The following LMAN2L variants were observed in gnomAD, a reference collection of about 807,000 sequenced individuals.
LMAN2L encodes the protein lectin, mannose binding 2 like, also known as VIP36-like protein.
A neutral mutation model predicts 44.3 loss-of-function variants in LMAN2L; 30 were observed. That is an observed-to-expected ratio of 0.68 (90% CI 0.51 to 0.92). The LOEUF is 0.92. Among genes scored for constraint, LMAN2L ranks in the 40% least tolerant of loss-of-function variants. LMAN2L has a pLI of 0.00. For missense variants in LMAN2L, 429 were observed against 446.1 expected, an observed-to-expected ratio of 0.96 and a Z score of 0.35; for synonymous variants, 183 against 171.1, an observed-to-expected ratio of 1.07 and a Z score of -0.54.
chr2:96,735,714 T>C (rs913666204), intron 2 of LMAN2L, among the ~76,000 whole-genome samples: 1 of 151,572 alleles, frequency 6.6e-6, no homozygotes, highest in African/African-American at 2.4e-5. Context: ...GGTGGGCGCC[T>C]GGAGTCCTAG....
Position 96,734,511 on chromosome 2 carries a change from C to T in LMAN2L, c.322G>A (p.Asp108Asn), listed in dbSNP as rs772436081. The T allele has an allele frequency of 1.2e-5, 19 of 1,609,216 alleles. No individual in the cohort carries two copies. Among genetic ancestry groups the T allele is most frequent in the Non-Finnish European group, 1.5e-5 (18 of 1,175,632 alleles). The stretch of plus-strand genomic sequence containing the variant: ...TTGAAGTGCACCTGCAACTCCCAGT[C>T]TCTCAGGAAACATGGCTAAAGTGAG... ...LWNRVPCFLR[D>N]WELQVHFKIH... The change falls in exon 3 of 8, where the codon GAC becomes AAC. Residue 108 changes from aspartate to asparagine, a missense_variant. By Grantham distance (23) the Asp-to-Asn change is conservative. Coordinates refer to ENST00000264963, the MANE Select transcript of LMAN2L (RefSeq NM_030805.4).
rs575410381 is a variant in LMAN2L at position 96,738,121 on chromosome 2, A to G, written c.188-54T>C. On this transcript the variant is annotated intron_variant, in intron 1 of 7. Transcript: ENST00000264963. ...CTTTTCAACACCAATCCATTCAGAA[A>G]GCAGCCACCACAGAGCCTCTGAAAG... is the stretch of plus-strand genomic sequence containing the variant. 21 of 1,228,534 alleles carry G rather than the reference A, an allele frequency of 1.7e-5. No homozygotes were observed. The South Asian group carries it at 2.4e-4, about 14-fold the overall frequency. 76.1% of individuals were successfully genotyped at this position (1,228,534 alleles called of 1,614,324 possible). A position where few individuals can be genotyped will look rare whatever the true frequency, so the allele number is the denominator to read the frequency against.
At chr2:96,721,024 C>G (rs2078142170) in intron 4 of LMAN2L, among the ~76,000 whole-genome samples, 1 of 152,060 alleles carries the variant, frequency 6.6e-6, no homozygotes, top group Non-Finnish European at 1.5e-5. Flanking sequence ...AATTCAATGG[C>G]ATTTAGTATA....
chr2:96,731,506 C>T (rs1288336027), intron 4 of LMAN2L, among the ~76,000 whole-genome samples: 2 of 151,816 alleles, frequency 1.3e-5, no homozygotes, highest in Non-Finnish European at 2.9e-5. Context: ...ATTAGCTGGG[C>T]GTGGTGGCGT....
chr2:96,720,130 C>CA, intron 4 of LMAN2L, among the ~76,000 whole-genome samples: 1 of 151,622 alleles, frequency 6.6e-6, no homozygotes, highest in Non-Finnish European at 1.5e-5. Context: ...ATCATCACAT[C>CA]AAAAAAAAGT....
chr2:96,735,564 C>T (rs993756284), intron 2 of LMAN2L, among the ~76,000 whole-genome samples: 1 of 152,140 alleles, frequency 6.6e-6, no homozygotes, highest in South Asian at 2.1e-4. Flanking sequence ...AACGGCCCAG[C>T]GCGGTGGCTC....
intron 4 of LMAN2L, among the ~76,000 whole-genome samples, chr2:96,720,497 T>G (rs1324848929): frequency 4.6e-5 from 7 of 152,000 alleles, no homozygotes; most frequent in Non-Finnish European, 8.8e-5. Context: ...TTTGATTTTT[T>G]GTAGAGATGA....
chr2:96,731,229 T>C (rs1395669230), intron 4 of LMAN2L, among the ~76,000 whole-genome samples: 6 of 152,306 alleles, frequency 3.9e-5, no homozygotes, highest in African/African-American at 1.4e-4. Context: ...TCCCAGGGCC[T>C]GGCACCTAGA....
At chr2:96,720,571 C>G (rs1432053489) in intron 4 of LMAN2L, among the ~76,000 whole-genome samples, 2 of 151,808 alleles carry the variant, frequency 1.3e-5, no homozygotes, top group Non-Finnish European at 2.9e-5. Flanking sequence ...CCTGCCTTGG[C>G]TTCCCAAAGT....
At chr2:96,737,837 C>A in intron 2 of LMAN2L, 112 bp downstream of exon 2, 1 of 669,368 alleles carries the variant, frequency 1.5e-6, no homozygotes, top group Non-Finnish European at 2.7e-6. Context: ...TCCTTGATAT[C>A]CACAGAAGAT....
At chr2:96,722,438 AAG>A (rs1335704353) in intron 4 of LMAN2L, among the ~76,000 whole-genome samples, 2 of 151,602 alleles carry the variant, frequency 1.3e-5, no homozygotes, top group African/African-American at 4.9e-5. Flanking sequence ...AAATTCTCCT[AAG>A]GAGAAAACTA....
intron 6 of LMAN2L, among the ~76,000 whole-genome samples, chr2:96,709,201 G>A (rs542529402): frequency 6.6e-5 from 10 of 152,028 alleles, no homozygotes; most frequent in South Asian, 6.2e-4. Context: ...CATTACAGGC[G>A]TGAGCCACCG....
rs2077803067 is a variant in LMAN2L, at chr2:96,707,262, GA to G, written c.1040del (p.Phe347SerfsTer16). ...NKWQEQSRKR[F>X]Y is the part of the protein sequence containing the mutation. ...GTGGTGGCAGCAGGAGGGCTCAGTA[GA>G]AGCGCTTTCGGCTCTGTTCCTGCCA... On this transcript the variant is annotated frameshift_variant, in exon 8 of 8. Coordinates refer to ENST00000264963, the MANE Select transcript of LMAN2L (RefSeq NM_030805.4). LOFTEE classifies it high-confidence loss of function. The G allele has an allele frequency of 7.4e-6, 12 of 1,613,970 alleles. No homozygotes were observed. Among genetic ancestry groups the G allele is most frequent in the Non-Finnish European group, 1.0e-5 (12 of 1,179,954 alleles).
chr2:96,713,011 G>A (rs959114660), intron 4 of LMAN2L: 2 of 1,011,986 alleles, frequency 2.0e-6, no homozygotes, highest in African/African-American at 3.2e-5. Context: ...AGAGACCGGG[G>A]ACTCCTGAGA....
chr2:96,725,123 G>A (rs986842980), intron 4 of LMAN2L, among the ~76,000 whole-genome samples: 2 of 151,754 alleles, frequency 1.3e-5, no homozygotes, highest in Admixed American at 6.6e-5. Flanking sequence ...GAGCCACAGC[G>A]CCCGGCCTAT....
chr2:96,707,073 T>G lies in LMAN2L; in HGVS notation c.*183A>C. On this transcript the variant is annotated 3_prime_UTR_variant, in exon 8 of 8. Transcript: ENST00000264963. ...GGTGGGTGGCTTCCCAGACCAGAGT[T>G]AGATGTCCCCATGCACAACCATGGG... 1 of 543,480 alleles carries G rather than the reference T, an allele frequency of 1.8e-6. No homozygotes were observed. The highest frequency in any genetic ancestry group is 5.0e-4 in the Middle Eastern group (1 of 1,988). The allele number at this position is 543,480 out of a possible 1,614,324, so 33.7% of individuals were successfully genotyped here.
In LMAN2L at chr2:96,711,748, T is replaced by C. The variant is rs1355268906; in HGVS notation, c.692A>G (p.Lys231Arg). 1 of 1,614,214 alleles carries C rather than the reference T, an allele frequency of 6.2e-7. No individual in the cohort carries two copies. The highest frequency in any genetic ancestry group is 8.5e-7 in the Non-Finnish European group (1 of 1,180,012). ...TTCAATGCAGTCCCTCCACTCATGCTTGCCATCAATATCCATCATTATCTA... is the reference window on the plus strand; with the variant it reads ...TTCAATGCAGTCCCTCCACTCATGCCTGCCATCAATATCCATCATTATCTA... The part of the protein sequence containing the change: ...HLTIMMDIDG[K>R]HEWRDCIEVP... The change falls in exon 6 of 8, where the codon AAG becomes AGG. Residue 231 changes from lysine to arginine, a missense_variant. Physicochemically the swap from Lys to Arg is conservative, Grantham distance 26 (BLOSUM62 2). Transcript: ENST00000264963.
intron 4 of LMAN2L, among the ~76,000 whole-genome samples, chr2:96,715,046 C>A (rs1356595107): frequency 1.3e-5 from 2 of 152,216 alleles, no homozygotes. Context: ...TCAAGCAATT[C>A]TCCTGCCTCA....
At chr2:96,715,902 C>T (rs2078030519) in intron 4 of LMAN2L, among the ~76,000 whole-genome samples, 3 of 152,148 alleles carry the variant, frequency 2.0e-5, no homozygotes, top group Admixed American at 2.0e-4. Context: ...TCTATTTCCT[C>T]ACTGTAAACA....
Sources: allele counts gnomAD v4.1 joint callset (sites outside exome capture counted in the v4.1 genomes callset), GRCh38; gene constraint gnomAD v4.1.1; transcripts MANE v1.5; gene names NCBI Gene and HGNC (gene_info 2026-07-23, HGNC 2026-07-21).